LZTS3: variants seen among roughly 807,000 people sequenced by gnomAD.
LZTS3 encodes the protein leucine zipper putative tumor suppressor 3.
In LZTS3, 16 loss-of-function variants were observed where a neutral mutation model predicts 50.9. The observed-to-expected ratio is 0.31, with a 90% confidence interval of 0.21 to 0.48. LZTS3 has a LOEUF of 0.48. Among genes scored for constraint, LZTS3 ranks in the 20% least tolerant of loss-of-function variants. The probability of loss-of-function intolerance (pLI) is 0.99; values close to 1 mark genes in which losing one functional copy is unlikely to be tolerated. For synonymous variants in LZTS3, 408 were observed against 410.6 expected, an observed-to-expected ratio of 0.99 and a Z score of 0.08; for missense variants, 816 against 931.0, an observed-to-expected ratio of 0.88 and a Z score of 1.61.
chr20:3,164,573 G>C lies in LZTS3; in HGVS notation c.1903C>G (p.Arg635Gly). 3.1e-6 allele frequency: 5 copies of C among 1,610,762 alleles called. No individual in the cohort carries two copies. The highest frequency in any genetic ancestry group is 4.2e-6 in the Non-Finnish European group (5 of 1,178,610). Residue 635 changes from arginine to glycine, a missense_variant, in exon 5 of 5, where the codon CGC becomes GGC. Around this residue, in one of 3 missense-constraint regions of LZTS3, gnomAD observed 107 missense variants for 130.4 expected, o/e 0.82. Transcript: ENST00000337576. ...GCGGCCCCGCGCTCCCGCAGCCTGC[G>C]CTCCAGCTGCTGGTTGCGCTGGTAC... ...EMYQRNQQLERRLRERGAAGG... is the reference protein window; with the variant it reads ...EMYQRNQQLEGRLRERGAAGG...
rs759001857 is a variant in LZTS3 at position 3,164,559 on chromosome 20, C to A, written c.1917G>T (p.Glu639Asp). ...RNQQLERRLRERGAAGGASTP... is the reference protein window; with the variant it reads ...RNQQLERRLRDRGAAGGASTP... ...TGCTTGCACCCCCTGCGGCCCCGCG[C>A]TCCCGCAGCCTGCGCTCCAGCTGCT... The change falls in exon 5 of 5, where the codon GAG becomes GAT. Residue 639 changes from glutamate to aspartate, a missense_variant. Coordinates refer to ENST00000337576, the MANE Select transcript of LZTS3 (RefSeq NM_001365618.1). The A allele has an allele frequency of 2.5e-6, 4 of 1,609,540 alleles. No homozygotes were observed. In the South Asian group the frequency reaches 4.4e-5, roughly 18 times the overall value.
chr20:3,166,696 C>T lies in LZTS3; in HGVS notation c.459+9G>A, dbSNP rs371558576. The stretch of plus-strand genomic sequence containing the variant: ...AAGGCTGTGAGGGTCTCAGGCCCTG[C>T]GGACTGACCTGGTCTAGCTTGCCAG... On this transcript the variant is annotated intron_variant, in intron 3 of 4. Transcript: ENST00000337576. The T allele has an allele frequency of 1.6e-4, 251 of 1,608,780 alleles. 1 individual carries two copies. The highest frequency in any genetic ancestry group is 2.7e-4 in the East Asian group (12 of 44,746).
Position 3,166,910 on chromosome 20 carries a change from C to G in LZTS3, c.254G>C (p.Arg85Pro), listed in dbSNP as rs1216349424. 12 of 1,612,186 alleles carry G rather than the reference C, an allele frequency of 7.4e-6. No homozygotes were observed. The highest frequency in any genetic ancestry group is 9.3e-6 in the Non-Finnish European group (11 of 1,179,952). Residue 85 changes from arginine to proline, a missense_variant, in exon 3 of 5, where the codon CGC becomes CCC. Arg to Pro is a moderately radical substitution (Grantham distance 103, BLOSUM62 -2). Around this residue, in one of 3 missense-constraint regions of LZTS3, gnomAD observed 700 missense variants for 769.4 expected, o/e 0.91. Transcript: ENST00000337576. Reference sequence around the variant, plus strand: ...GAGACCCTTGTCCTCTGAGGGGTAGCGGCCCGGCCTCTCCCTGCTGGCCCC... The same window carrying G: ...GAGACCCTTGTCCTCTGAGGGGTAGGGGCCCGGCCTCTCCCTGCTGGCCCC... The part of the protein sequence containing the change: ...GSGASRERPG[R>P]YPSEDKGLAN...
chr20:3,173,153 G>A (rs1404841856), intron 1 of LZTS3, among the ~76,000 whole-genome samples: 1 of 152,150 alleles, frequency 6.6e-6, no homozygotes, highest in Non-Finnish European at 1.5e-5. Flanking sequence ...CCTGCGATGG[G>A]GGAAACCCCG....
In LZTS3 at chr20:3,165,603, T is replaced by G. The variant is rs772538962; in HGVS notation, c.1217A>C (p.Glu406Ala). 3.1e-6 allele frequency: 5 copies of G among 1,596,750 alleles called. No individual in the cohort carries two copies. In the Admixed American group the frequency reaches 5.0e-5, roughly 16 times the overall value. The change falls in exon 4 of 5, where the codon GAG (glutamate) becomes GCG (alanine). Residue 406 changes from glutamate (E) to alanine (A), a missense_variant. Glu to Ala is a moderately radical substitution (Grantham distance 107). Transcript: ENST00000337576. The surrounding 1 kb of genome is among the most constrained non-coding windows in gnomAD (Gnocchi z 5.0). ...LQQDKKQLQEEAARLMRQREE... is the reference protein window; with the variant it reads ...LQQDKKQLQEAAARLMRQREE... ...CCGCTGCCGCATCAGCCGGGCCGCC[T>G]CCTCCTGCAGCTGCTTCTTGTCCTG...
chr20:3,166,381 G>T, intron 3 of LZTS3, 21 bp from the exon 4 acceptor site: 1 of 1,577,836 alleles, frequency 6.3e-7, no homozygotes, highest in Non-Finnish European at 8.6e-7. Flanking sequence ...CGCAGGAGGG[G>T]GCTGGGGGTC....
rs892532917 is a variant in LZTS3 at position 3,162,739 on chromosome 20, C to T, written c.*1715G>A. On this transcript the variant is annotated 3_prime_UTR_variant, in exon 5 of 5. Coordinates refer to ENST00000337576, the MANE Select transcript of LZTS3 (RefSeq NM_001365618.1). This position sits in a 1 kb window ranked among gnomAD's most constrained non-coding sequence, Gnocchi z 5.0. ...ATATATAATTTCTTTTGTGGTTGGA[C>T]GTCCCAAAGCTGAGTCTGTTCATAT... 3.3e-5 allele frequency: 5 copies of T among 152,092 alleles called. No homozygotes were observed. The highest frequency in any genetic ancestry group is 7.2e-5 in the African/African-American group (3 of 41,404). The allele number at this position is 152,092 out of a possible 1,614,324, so 9.4% of individuals were successfully genotyped here. A position where few individuals can be genotyped will look rare whatever the true frequency, so the allele number is the denominator to read the frequency against.
chr20:3,167,991 C>T, intron 1 of LZTS3, 30 bp from the exon 2 acceptor site: 1 of 484,254 alleles, frequency 2.1e-6, no homozygotes, highest in Non-Finnish European at 2.7e-6. Flanking sequence ...AAGGACCTAC[C>T]TTGCGGGGCT....
In LZTS3 at chr20:3,165,329, A is replaced by C. The variant is rs1291478885; in HGVS notation, c.1323+168T>G. Among the ~76,000 whole-genome samples, 1 of 151,862 alleles carries C rather than the reference A, an allele frequency of 6.6e-6. No homozygotes were observed. The highest frequency in any genetic ancestry group is 2.4e-5 in the African/African-American group (1 of 41,262). On this transcript the variant is annotated intron_variant, in intron 4 of 4. Transcript: ENST00000337576. The surrounding 1 kb of genome is among the most constrained non-coding windows in gnomAD (Gnocchi z 5.0). ...GACTCAAGATGGACATGTCTCACCCAGCGGATGGCCTCGGGTCCTCACAGA... is the reference window on the plus strand; with the variant it reads ...GACTCAAGATGGACATGTCTCACCCCGCGGATGGCCTCGGGTCCTCACAGA...
Position 3,164,353 on chromosome 20 carries a change from G to A in LZTS3, c.*101C>T. 1 of 1,289,052 alleles carries A rather than the reference G, an allele frequency of 7.8e-7. No homozygotes were observed. Among genetic ancestry groups the A allele is most frequent in the African/African-American group, 1.5e-5 (1 of 64,670 alleles). 79.9% of individuals were successfully genotyped at this position (1,289,052 alleles called of 1,614,324 possible). ...CTGCTTAGAGAACCTCTTTGGTCTG[G>A]GGTTATGGGGTCTATGGGGAAGAGA... On this transcript the variant is annotated 3_prime_UTR_variant, in exon 5 of 5. Coordinates refer to ENST00000337576, the MANE Select transcript of LZTS3 (RefSeq NM_001365618.1).
rs2122156044 is a variant in LZTS3 at position 3,163,715 on chromosome 20, AGAGCC to A, written c.*734_*738del. ...GGATCCTGGCCAGAAGGGTGAGGGT[AGAGCC>A]GAGAAGCCGTCAGGCAACGCTTCCC... On this transcript the variant is annotated 3_prime_UTR_variant, in exon 5 of 5. Transcript: ENST00000337576. The surrounding 1 kb of genome is among the most constrained non-coding windows in gnomAD (Gnocchi z 5.2). The A allele has an allele frequency of 6.6e-6, 1 of 152,444 alleles. No homozygotes were observed. Among genetic ancestry groups the A allele is most frequent in the Admixed American group, 6.5e-5 (1 of 15,300 alleles). 9.4% of individuals were successfully genotyped at this position (152,444 alleles called of 1,614,324 possible). A position where few individuals can be genotyped will look rare whatever the true frequency, so the allele number is the denominator to read the frequency against.
chr20:3,164,583 C>T lies in LZTS3; in HGVS notation c.1893G>A (p.Gln631=). The T allele has an allele frequency of 6.2e-7, 1 of 1,611,846 alleles. No homozygotes were observed. Among genetic ancestry groups the T allele is most frequent in the Non-Finnish European group, 8.5e-7 (1 of 1,178,996 alleles). The change falls in exon 5 of 5, where the codon CAG becomes CAA. Residue 631 remains glutamine, a synonymous_variant. Transcript: ENST00000337576. ...LSYVEMYQRN[Q]QLERRLRERG... Reference sequence around the variant, plus strand: ...GCTCCCGCAGCCTGCGCTCCAGCTGCTGGTTGCGCTGGTACATCTCCACGT... The same window carrying T: ...GCTCCCGCAGCCTGCGCTCCAGCTGTTGGTTGCGCTGGTACATCTCCACGT...
At position 3,166,293 on chromosome 20, in the gene LZTS3, T is replaced by C; in HGVS notation, c.527A>G (p.Gln176Arg). The C allele has an allele frequency of 6.2e-7, 1 of 1,614,038 alleles. No homozygotes were observed. The highest frequency in any genetic ancestry group is 1.1e-5 in the South Asian group (1 of 91,066). ...PVVPKNFHSM[Q>R]NLCPPQTNGT... is the part of the protein sequence containing the mutation. ...ATTGGTCTGCGGGGGGCACAAATTC[T>C]GCATGGAGTGGAAATTCTTGGGTAC... Residue 176 changes from glutamine (Q) to arginine (R), a missense_variant, in exon 4 of 5, where the codon CAG becomes CGG. Transcript: ENST00000337576.
Position 3,166,319 on chromosome 20 carries a change from G to T in LZTS3, c.501C>A (p.Val167=), listed in dbSNP as rs201603102. 6.2e-7 allele frequency: 1 copy of T among 1,613,744 alleles called. No homozygotes were observed. The highest frequency in any genetic ancestry group is 8.5e-7 in the Non-Finnish European group (1 of 1,179,834). The change falls in exon 4 of 5, where the codon GTC becomes GTA. Residue 167 remains valine (V), a synonymous_variant. Coordinates refer to ENST00000337576, the MANE Select transcript of LZTS3 (RefSeq NM_001365618.1). ...PLVRPSAFKP[V]VPKNFHSMQN... ...GCATGGAGTGGAAATTCTTGGGTAC[G>T]ACAGGCTTGAAGGCCGACGGCCGAA...
chr20:3,167,173 A>C lies in LZTS3; in HGVS notation c.-10T>G. 1 of 1,462,148 alleles carries C rather than the reference A, an allele frequency of 6.8e-7. No homozygotes were observed. The highest frequency in any genetic ancestry group is 9.0e-7 in the Non-Finnish European group (1 of 1,112,294). The allele number at this position is 1,462,148 out of a possible 1,614,324, so 90.6% of individuals were successfully genotyped here. A position where few individuals can be genotyped will look rare whatever the true frequency, so the allele number is the denominator to read the frequency against. On this transcript the variant is annotated 5_prime_UTR_variant, in exon 3 of 5. Coordinates refer to ENST00000337576, the MANE Select transcript of LZTS3 (RefSeq NM_001365618.1). ...TCTCCAGCTTCGCCATGACTAAGCC[A>C]GGGGGGCACTGTGGGCACAGGTGGG...
At position 3,167,919 on chromosome 20, in the gene LZTS3, T is replaced by C; in HGVS notation, c.-200A>G. ...CTCGGCCCGAACCAGCTGCGCGACT[T>C]TGGAGGGGCCGACTGAGCCATCCCG... On this transcript the variant is annotated 5_prime_UTR_variant, in exon 2 of 5. Coordinates refer to ENST00000337576, the MANE Select transcript of LZTS3 (RefSeq NM_001365618.1). 1.1e-6 allele frequency: 1 copy of C among 943,426 alleles called. No individual in the cohort carries two copies. Among genetic ancestry groups the C allele is most frequent in the East Asian group, 1.2e-4 (1 of 8,596 alleles). The allele number at this position is 943,426 out of a possible 1,614,324, so 58.4% of individuals were successfully genotyped here. A position where few individuals can be genotyped will look rare whatever the true frequency, so the allele number is the denominator to read the frequency against.
intron 1 of LZTS3, among the ~76,000 whole-genome samples, chr20:3,170,729 G>A (rs1157133306): frequency 6.6e-6 from 1 of 152,052 alleles, no homozygotes; most frequent in African/African-American, 2.4e-5. Flanking sequence ...GGAGGTGGAG[G>A]TTGCAGTGAG....
rs952567604 is a variant in LZTS3 at position 3,165,019 on chromosome 20, T to C, written c.1457A>G (p.Glu486Gly). ...QLREGRASLR[E>G]KEEQLLSLRD... ...CAGGCTGAGCAGCTGCTCCTCCTTC[T>C]CCCGCAGCGAAGCCCGGCCCTCCCG... The change falls in exon 5 of 5, where the codon GAG becomes GGG. Residue 486 changes from glutamate (E) to glycine (G), a missense_variant. Glu to Gly is a moderately conservative substitution (Grantham distance 98). This residue lies in a region of LZTS3 where 700 missense variants were observed against 769.4 expected (regional missense o/e 0.91). Transcript: ENST00000337576. The surrounding 1 kb of genome is among the most constrained non-coding windows in gnomAD (Gnocchi z 5.0). 5.8e-6 allele frequency: 9 copies of C among 1,559,970 alleles called. No homozygotes were observed. Among genetic ancestry groups the C allele is most frequent in the Non-Finnish European group, 6.9e-6 (8 of 1,153,998 alleles).
In LZTS3 at chr20:3,165,031, G is replaced by A; in HGVS notation, c.1445C>T (p.Ala482Val). ...CTGCTCCTCCTTCTCCCGCAGCGAAGCCCGGCCCTCCCGCAGCTGCGAGCG... is the reference window on the plus strand; with the variant it reads ...CTGCTCCTCCTTCTCCCGCAGCGAAACCCGGCCCTCCCGCAGCTGCGAGCG... Reference protein sequence around the residue: ...GLRSQLREGRASLREKEEQLL... With the variant: ...GLRSQLREGRVSLREKEEQLL... The change falls in exon 5 of 5, where the codon GCT (alanine) becomes GTT (valine). Residue 482 changes from alanine to valine, a missense_variant. By Grantham distance (64) the Ala-to-Val change is moderately conservative (BLOSUM62 0). Coordinates refer to ENST00000337576, the MANE Select transcript of LZTS3 (RefSeq NM_001365618.1). This position sits in a 1 kb window ranked among gnomAD's most constrained non-coding sequence, Gnocchi z 5.0. 6.4e-7 allele frequency: 1 copy of A among 1,565,746 alleles called. No individual in the cohort carries two copies. The highest frequency in any genetic ancestry group is 8.6e-7 in the Non-Finnish European group (1 of 1,156,606).
Sources: allele counts gnomAD v4.1 joint callset (sites outside exome capture counted in the v4.1 genomes callset), GRCh38; gene constraint gnomAD v4.1.1; regional missense constraint gnomAD v4.1.1; non-coding constraint Gnocchi (gnomAD v3.1); transcripts MANE v1.5; gene names NCBI Gene and HGNC (gene_info 2026-07-23, HGNC 2026-07-21).